The following TUBGCP2 variants were observed in gnomAD, a reference collection of about 807,000 sequenced individuals.
TUBGCP2 encodes the protein gamma-tubulin complex component 2.
A neutral mutation model predicts 92.2 loss-of-function variants in TUBGCP2; 55 were observed. The observed-to-expected ratio is 0.60, with a 90% CI of 0.48 to 0.75. The LOEUF (loss-of-function observed/expected upper bound fraction) is 0.75, where lower values mean the gene tolerates loss of function less well. TUBGCP2 is among the 30% of genes least tolerant of loss of function. The probability of loss-of-function intolerance (pLI) is 0.00; values close to 1 mark genes in which losing one functional copy is unlikely to be tolerated. For missense variants in TUBGCP2, 1,093 were observed against 1,188.9 expected, an observed-to-expected ratio of 0.92 and a Z score of 1.19; for synonymous variants, 533 against 505.2, an observed-to-expected ratio of 1.06 and a Z score of -0.74.
chr10:133,288,817 A>T, intron 10 of TUBGCP2, 23 bp downstream of exon 10: 1 of 1,581,410 alleles, frequency 6.3e-7, no homozygotes, highest in Non-Finnish European at 8.6e-7. Flanking sequence ...GAGTGCCCGC[A>T]CAGGGACAGG....
intron 3 of TUBGCP2, 26 bp from the exon 4 acceptor site, chr10:133,299,629 C>A: frequency 1.3e-6 from 2 of 1,573,790 alleles, no homozygotes; most frequent in South Asian, 1.2e-5. Context: ...ACTGTGTGTT[C>A]ACACTGGGCC....
chr10:133,299,384 C>T, intron 4 of TUBGCP2, 43 bp downstream of exon 4: 6 of 1,516,366 alleles, frequency 4.0e-6, no homozygotes, highest in Non-Finnish European at 5.3e-6. Flanking sequence ...GGACACAGGA[C>T]CTGCTGCAGC....
chr10:133,308,160 C>T (rs1046615226), intron 1 of TUBGCP2, among the ~76,000 whole-genome samples: 2 of 152,182 alleles, frequency 1.3e-5, no homozygotes, highest in Admixed American at 6.5e-5. Context: ...AGATCTGAAG[C>T]GTCCACTGCT....
intron 5 of TUBGCP2, among the ~76,000 whole-genome samples, chr10:133,296,848 G>C (rs528714693): frequency 6.6e-6 from 1 of 152,124 alleles, no homozygotes; most frequent in Non-Finnish European, 1.5e-5. Context: ...CTTACAGCAG[G>C]GTTTTTCTAT....
chr10:133,297,044 G>A (rs911419566), intron 5 of TUBGCP2, among the ~76,000 whole-genome samples: 3 of 152,190 alleles, frequency 2.0e-5, no homozygotes, highest in African/African-American at 4.8e-5. Context: ...TTGGACTAAC[G>A]GGGATGGGGC....
chr10:133,297,389 T>C, intron 5 of TUBGCP2: 1 of 450,738 alleles, frequency 2.2e-6, no homozygotes, highest in Non-Finnish European at 4.4e-6. Context: ...CAGAGCGAGA[T>C]TCCATCTCAA....
chr10:133,302,665 C>A, intron 2 of TUBGCP2, 127 bp downstream of exon 2: 2 of 1,227,666 alleles, frequency 1.6e-6, no homozygotes, highest in Non-Finnish European at 2.3e-6. Context: ...GGTGCTCACC[C>A]TGTACCACCC....
Position 133,279,883 on chromosome 10 carries a change from G to A in TUBGCP2, c.2592C>T (p.Phe864=). 1 of 1,609,726 alleles carries A rather than the reference G, an allele frequency of 6.2e-7. No homozygotes were observed. The highest frequency in any genetic ancestry group is 8.5e-7 in the Non-Finnish European group (1 of 1,178,556). The part of the protein sequence containing the change: ...SVISRLDFNG[F]YTERLERLSA... ...ACAGGCGCTCCAGGCGCTCCGTGTA[G>A]AAACCATTGAAGTCAAGCCTGTGAG... The change falls in exon 18 of 18, where the codon TTC becomes TTT. Residue 864 remains phenylalanine (F), a synonymous_variant. Coordinates refer to ENST00000252936, the MANE Select transcript of TUBGCP2 (RefSeq NM_006659.4).
intron 17 of TUBGCP2, among the ~76,000 whole-genome samples, chr10:133,280,501 C>G (rs997423346): frequency 6.6e-6 from 1 of 152,214 alleles, no homozygotes; most frequent in African/African-American, 2.4e-5. Context: ...CCCTTTCCCC[C>G]AGGCTAGGTG....
chr10:133,307,007 T>C (rs1847837334), intron 1 of TUBGCP2, among the ~76,000 whole-genome samples: 1 of 151,912 alleles, frequency 6.6e-6, no homozygotes, highest in African/African-American at 2.4e-5. Flanking sequence ...AACTCTGGGG[T>C]GTCACGGTCA....
chr10:133,309,235 G>A (rs1038483526), upstream of TUBGCP2: 1 of 975,242 alleles, frequency 1.0e-6, no homozygotes, highest in Non-Finnish European at 1.3e-6. Flanking sequence ...GACCTGAGGT[G>A]GTGGGGCGGG....
intron 11 of TUBGCP2, among the ~76,000 whole-genome samples, chr10:133,286,712 G>A (rs552721095): frequency 3.2e-3 from 484 of 152,280 alleles, no homozygotes; most frequent in African/African-American, 0.011. Context: ...CTAACAAGGA[G>A]ATAAAGTTAG....
At position 133,293,755 on chromosome 10, in the gene TUBGCP2, C is replaced by G. The variant is rs768995843; in HGVS notation, c.631G>C (p.Ala211Pro). ...TCCACCACGGCCGACTCCTGCGAGG[C>G]CAGGGGCAACGTGCCTGCGGGCACA... ...TALPIGTLPL[A>P]SQESAVVEDL... Residue 211 changes from alanine to proline, a missense_variant, in exon 6 of 18, where the codon GCC becomes CCC. By Grantham distance (27) the Ala-to-Pro change is conservative. Coordinates refer to ENST00000252936, the MANE Select transcript of TUBGCP2 (RefSeq NM_006659.4). 6.3e-7 allele frequency: 1 copy of G among 1,591,128 alleles called. No individual in the cohort carries two copies. Among genetic ancestry groups the G allele is most frequent in the South Asian group, 1.1e-5 (1 of 87,462 alleles).
chr10:133,297,217 C>A, intron 5 of TUBGCP2: 2 of 309,164 alleles, frequency 6.5e-6, no homozygotes, highest in South Asian at 4.9e-5. Context: ...GTCTGGCCAA[C>A]ACGGCAAAAC....
At chr10:133,309,385 T>C (rs974765422), upstream of TUBGCP2, 9 of 1,610,822 alleles carry the variant, frequency 5.6e-6, no homozygotes. Flanking sequence ...GCACTTTTCC[T>C]GCAGGATGGG....
At chr10:133,293,402 G>A (rs1042264031) in intron 6 of TUBGCP2, among the ~76,000 whole-genome samples, 160 bp downstream of exon 6, 15 of 152,246 alleles carry the variant, frequency 9.9e-5, no homozygotes, top group Non-Finnish European at 4.4e-5. Context: ...GACCCTGGAT[G>A]GTGACTCACA....
chr10:133,299,964 G>A, intron 3 of TUBGCP2, 21 bp downstream of exon 3: 2 of 1,612,892 alleles, frequency 1.2e-6, no homozygotes, highest in Non-Finnish European at 1.7e-6. Context: ...GCGCAGTGTG[G>A]CACGTGGCAT....
At chr10:133,309,325 G>C (rs1022113674), upstream of TUBGCP2, 2 of 1,560,268 alleles carry the variant, frequency 1.3e-6, no homozygotes, top group South Asian at 1.1e-5. Context: ...GGGTGTGGGC[G>C]AGGCCTGACG....
chr10:133,296,512 CTG>C (rs1286444788), intron 5 of TUBGCP2, among the ~76,000 whole-genome samples: 1 of 151,760 alleles, frequency 6.6e-6, no homozygotes, highest in Non-Finnish European at 1.5e-5. Context: ...GGGTCTCGCT[CTG>C]TTGCCCAGGC....
Sources: allele counts gnomAD v4.1 joint callset (sites outside exome capture counted in the v4.1 genomes callset), GRCh38; gene constraint gnomAD v4.1.1; transcripts MANE v1.5; gene names NCBI Gene and HGNC (gene_info 2026-07-23, HGNC 2026-07-21).